The following ZSCAN30 variants were observed in gnomAD, a reference collection of about 807,000 sequenced individuals.
The protein encoded by ZSCAN30 is zinc finger and SCAN domain containing 30.
A neutral mutation model predicts 44.3 loss-of-function variants in ZSCAN30; 37 were observed. The ratio of observed to expected loss-of-function variants is 0.84; its 90% confidence interval spans 0.64 to 1.10. The LOEUF (loss-of-function observed/expected upper bound fraction) is 1.10. Among genes scored for constraint, ZSCAN30 ranks in the 50% least tolerant of loss-of-function variants. The probability of loss-of-function intolerance (pLI) is 0.00; values close to 1 mark genes in which losing one functional copy is unlikely to be tolerated. For synonymous variants in ZSCAN30, 181 were observed against 204.6 expected (o/e 0.88, Z 0.98); for missense variants, 549 against 582.6 (o/e 0.94, Z 0.59).
At chr18:35,288,197 A>C (rs1288809208) in intron 1 of ZSCAN30, among the ~76,000 whole-genome samples, 3 of 152,260 alleles carry the variant, frequency 2.0e-5, no homozygotes, top group Non-Finnish European at 4.4e-5. Context: ...TTGACAAAAG[A>C]CTAGTGTCCA....
At chr18:35,277,966 G>C (rs193242813) in intron 1 of ZSCAN30, among the ~76,000 whole-genome samples, 4 of 152,240 alleles carry the variant, frequency 2.6e-5, no homozygotes, top group Non-Finnish European at 5.9e-5. Context: ...ACATATTAAA[G>C]CTATAATATT....
At chr18:35,271,017 G>A (rs1039731968) in intron 1 of ZSCAN30, among the ~76,000 whole-genome samples, 18 of 152,190 alleles carry the variant, frequency 1.2e-4, no homozygotes, top group African/African-American at 4.1e-4. Flanking sequence ...CTCCCAGTAG[G>A]TTTGTGGTCT....
At chr18:35,272,928 G>C (rs1239545941) in intron 1 of ZSCAN30, among the ~76,000 whole-genome samples, 1 of 152,170 alleles carries the variant, frequency 6.6e-6, no homozygotes, top group African/African-American at 2.4e-5. Flanking sequence ...CAAACCATCA[G>C]ATCTCATGAG....
At chr18:35,273,450 G>C (rs978365701) in intron 1 of ZSCAN30, among the ~76,000 whole-genome samples, 2 of 152,136 alleles carry the variant, frequency 1.3e-5, no homozygotes, top group Admixed American at 1.3e-4. Flanking sequence ...ATCTGTTAAC[G>C]GACACTTGGG....
chr18:35,287,821 A>G (rs2044579851), intron 1 of ZSCAN30, among the ~76,000 whole-genome samples: 1 of 152,092 alleles, frequency 6.6e-6, no homozygotes, highest in African/African-American at 2.4e-5. Context: ...AAATATTAAC[A>G]GAAAGAAAAC....
intron 3 of ZSCAN30, among the ~76,000 whole-genome samples, chr18:35,256,584 A>G: frequency 6.6e-6 from 1 of 152,136 alleles, no homozygotes; most frequent in Non-Finnish European, 1.5e-5. Flanking sequence ...AGAAATGGTC[A>G]CTTGATTATT....
At chr18:35,283,520 G>A (rs2044497247) in intron 1 of ZSCAN30, 1 of 152,490 alleles carries the variant, frequency 6.6e-6, no homozygotes, top group South Asian at 2.1e-4. Context: ...TGCCAAGGGT[G>A]AGCCAGGCGT....
In ZSCAN30 at chr18:35,270,343, G is replaced by C. The variant is rs531371229; in HGVS notation, c.-103-5888C>G. The C allele has an allele frequency of 2.6e-5, 4 of 152,288 alleles. No homozygotes were observed. The East Asian group carries it at 5.8e-4, about 22-fold the overall frequency. 9.4% of individuals were successfully genotyped at this position (152,288 alleles called of 1,614,324 possible). On this transcript the variant is annotated intron_variant, in intron 1 of 3. Coordinates refer to ENST00000333206, the MANE Select transcript of ZSCAN30 (RefSeq NM_001112734.4). ...AGGGGAACGAGGGAACAAATACCTTGTCTGCCTTTCTTTGCTGTGGGGTTT... is the reference window on the plus strand; with the variant it reads ...AGGGGAACGAGGGAACAAATACCTTCTCTGCCTTTCTTTGCTGTGGGGTTT...
In ZSCAN30 at chr18:35,263,957, C is replaced by A; in HGVS notation, c.396G>T (p.Glu132Asp). ...MLEELEKELE[E>D]PRQQDTTHGQ... Reference sequence around the variant, plus strand: ...GTTTACTTCTTACCTGTTGCCTTGGCTCCTCCAGTTCTTTTTCCAGCTCCT... The same window carrying A: ...GTTTACTTCTTACCTGTTGCCTTGGATCCTCCAGTTCTTTTTCCAGCTCCT... Residue 132 changes from glutamate to aspartate, a missense_variant, in exon 2 of 4, where the codon GAG (glutamate) becomes GAT (aspartate). Transcript: ENST00000333206. 6.2e-7 allele frequency: 1 copy of A among 1,613,966 alleles called. No homozygotes were observed. Among genetic ancestry groups the A allele is most frequent in the East Asian group, 2.2e-5 (1 of 44,872 alleles).
intron 3 of ZSCAN30, chr18:35,261,878 C>A (rs902192642): frequency 6.6e-6 from 1 of 151,980 alleles, no homozygotes; most frequent in African/African-American, 2.4e-5. Context: ...TTTTCAAAAC[C>A]CGTTTTAATG....
chr18:35,255,632 T>C (rs535397717), intron 3 of ZSCAN30: 110 of 154,470 alleles, frequency 7.1e-4, no homozygotes, highest in African/African-American at 2.5e-3. Context: ...TATGCTTTTA[T>C]ATAAAAATGA....
intron 1 of ZSCAN30, chr18:35,284,589 C>T (rs907639279): frequency 1.9e-5 from 3 of 155,052 alleles, no homozygotes; most frequent in Middle Eastern, 5.1e-4. Context: ...CACCCTGGCT[C>T]GGCCCCAACC....
At chr18:35,278,282 G>A (rs2044399378) in intron 1 of ZSCAN30, among the ~76,000 whole-genome samples, 1 of 152,148 alleles carries the variant, frequency 6.6e-6, no homozygotes, top group South Asian at 2.1e-4. Flanking sequence ...AGGTGGCCCT[G>A]CCATCTCTGC....
chr18:35,253,294 T>C lies in ZSCAN30; in HGVS notation c.*156A>G. 1.8e-6 allele frequency: 1 copy of C among 553,800 alleles called. No homozygotes were observed. Among genetic ancestry groups the C allele is most frequent in the Non-Finnish European group, 3.1e-6 (1 of 324,578 alleles). The allele number at this position is 553,800 out of a possible 1,614,324, so 34.3% of individuals were successfully genotyped here. On this transcript the variant is annotated 3_prime_UTR_variant, in exon 4 of 4. Coordinates refer to ENST00000333206, the MANE Select transcript of ZSCAN30 (RefSeq NM_001112734.4). ...TTTCTTCCATTTAACACTTCAATAA[T>C]CATAACAAACATCTTTGTGTGCATG...
At position 35,251,533 on chromosome 18, in the gene ZSCAN30, C is replaced by T. The variant is rs1464619751; in HGVS notation, c.*1917G>A. On this transcript the variant is annotated 3_prime_UTR_variant, in exon 4 of 4. Transcript: ENST00000333206. ...AGTGATATGGTTTGGCTCTTGTGTC[C>T]CCACCCAAATCTCCAATAGTAATCC... 6.6e-6 allele frequency: 1 copy of T among 152,126 alleles called. No individual in the cohort carries two copies. Among genetic ancestry groups the T allele is most frequent in the Non-Finnish European group, 1.5e-5 (1 of 68,044 alleles). 9.4% of individuals were successfully genotyped at this position (152,126 alleles called of 1,614,324 possible).
intron 1 of ZSCAN30, among the ~76,000 whole-genome samples, chr18:35,280,099 A>T (rs1569082987): frequency 6.6e-6 from 1 of 151,960 alleles, no homozygotes; most frequent in Non-Finnish European, 1.5e-5. Context: ...AACATAGTAA[A>T]CCCTGACTCT....
At chr18:35,273,877 C>G (rs911168389) in intron 1 of ZSCAN30, among the ~76,000 whole-genome samples, 3 of 152,186 alleles carry the variant, frequency 2.0e-5, no homozygotes, top group African/African-American at 7.2e-5. Flanking sequence ...TTATCCAAAT[C>G]TAATTATCCT....
chr18:35,285,286 C>CG (rs1158003961), intron 1 of ZSCAN30: 4 of 44,514 alleles, frequency 9.0e-5, no homozygotes, highest in Non-Finnish European at 2.5e-4. Flanking sequence ...GGAGAATAGA[C>CG]AAAACCACAA....
At chr18:35,271,749 G>A (rs1355779223) in intron 1 of ZSCAN30, among the ~76,000 whole-genome samples, 1 of 152,218 alleles carries the variant, frequency 6.6e-6, no homozygotes, top group Non-Finnish European at 1.5e-5. Context: ...GCCCATTGCG[G>A]GGAGGGGGGG....
Sources: allele counts gnomAD v4.1 joint callset (sites outside exome capture counted in the v4.1 genomes callset), GRCh38; gene constraint gnomAD v4.1.1; transcripts MANE v1.5; gene names NCBI Gene and HGNC (gene_info 2026-07-23, HGNC 2026-07-21).